CNKSR1: variants seen among roughly 807,000 people sequenced by gnomAD.
CNKSR1 encodes the protein CNK homolog protein 1.
CNKSR1 carries 88 observed loss-of-function variants against 95.6 expected under a neutral mutation model. The observed-to-expected ratio is 0.92, with a 90% CI of 0.78 to 1.10. The LOEUF is 1.10. CNKSR1 is among the 50% of genes least tolerant of loss of function. The pLI, the probability that CNKSR1 is intolerant of heterozygous loss-of-function variation, is 0.00. For synonymous variants in CNKSR1, 355 were observed against 369.7 expected, an observed-to-expected ratio of 0.96 and a Z score of 0.46; for missense variants, 836 against 912.0, an observed-to-expected ratio of 0.92 and a Z score of 1.07.
In CNKSR1 at chr1:26,184,199, C is replaced by A. The variant is rs1214496230; in HGVS notation, c.927-15C>A. On this transcript the variant is annotated splice_polypyrimidine_tract_variant and intron_variant, in intron 10 of 20. Transcript: ENST00000361530. ...GGAGACCGTGGGCTCATCTCATCCC[C>A]CTTGCCCTCCCCAGGGCCCCATCTG... 1 of 1,613,076 alleles carries A rather than the reference C, an allele frequency of 6.2e-7. No individual in the cohort carries two copies. Among genetic ancestry groups the A allele is most frequent in the Non-Finnish European group, 8.5e-7 (1 of 1,179,622 alleles).
intron 1 of CNKSR1, among the ~76,000 whole-genome samples, 172 bp downstream of exon 1, chr1:26,177,771 T>C (rs2088585538): frequency 6.6e-6 from 1 of 151,250 alleles, no homozygotes; most frequent in Non-Finnish European, 1.5e-5. Context: ...AGGTCGGGAG[T>C]TCAAGACCAG....
In CNKSR1 at chr1:26,184,503, A is replaced by T. The variant is rs751732315; in HGVS notation, c.1103A>T (p.Asp368Val). 1.9e-6 allele frequency: 3 copies of T among 1,611,830 alleles called. No homozygotes were observed. The highest frequency in any genetic ancestry group is 2.5e-6 in the Non-Finnish European group (3 of 1,179,110). Residue 368 changes from aspartate to valine, a missense_variant, in exon 12 of 21, where the codon GAC (aspartate) becomes GTC (valine). Transcript: ENST00000361530. ...AGTPGLPESP[D>V]KSPVGRKKSK... ...ACTCCAGGGCTCCCTGAATCCCCTG[A>T]CAAGGTAAGCTCAGGGGCTTAGCAA...
At position 26,184,430 on chromosome 1, in the gene CNKSR1, C is replaced by A. The variant is rs2088707651; in HGVS notation, c.1030C>A (p.Pro344Thr). ...TGCCTCCCTTGGCCCTGAGCCCCTG[C>A]CCATCCCCCCGGAACCCCCAGCCAT... ...DSASLGPEPL[P>T]IPPEPPAILP... Residue 344 changes from proline (P) to threonine (T), a missense_variant, in exon 12 of 21, where the codon CCC becomes ACC. Transcript: ENST00000361530. 1 of 1,613,410 alleles carries A rather than the reference C, an allele frequency of 6.2e-7. No homozygotes were observed. The highest frequency in any genetic ancestry group is 2.2e-5 in the East Asian group (1 of 44,796).
Position 26,188,283 on chromosome 1 carries a change from C to T in CNKSR1, c.1504C>T (p.Arg502Trp), listed in dbSNP as rs148076299. 5.7e-5 allele frequency: 92 copies of T among 1,614,012 alleles called. No homozygotes were observed. The highest frequency in any genetic ancestry group is 6.9e-5 in the Non-Finnish European group (82 of 1,180,026). Residue 502 changes from arginine to tryptophan, a missense_variant, in exon 17 of 21, where the codon CGG (arginine) becomes TGG (tryptophan). Physicochemically the swap from Arg to Trp is moderately radical, Grantham distance 101. Transcript: ENST00000361530. Reference sequence around the variant, plus strand: ...CATCTCCAAGTACCAGTCTCCAGGCCGGGCCCCCCCACCCCGAGAGGAAGG... The same window carrying T: ...CATCTCCAAGTACCAGTCTCCAGGCTGGGCCCCCCCACCCCGAGAGGAAGG... Reference protein sequence around the residue: ...TCISKYQSPGRAPPPREEDCY... With the variant: ...TCISKYQSPGWAPPPREEDCY...
intron 13 of CNKSR1, 63 bp downstream of exon 13, chr1:26,184,675 A>C: frequency 6.5e-7 from 1 of 1,539,938 alleles, no homozygotes; most frequent in Non-Finnish European, 8.8e-7. Flanking sequence ...AAATCTTTAC[A>C]TGCTGGGCAA....
Position 26,183,459 on chromosome 1 carries a change from G to A in CNKSR1, c.753+45G>A, listed in dbSNP as rs374820899. ...TGGTAGGAGGTGAAGGGGTCACCGAGTGGAACCCAAGTCTGGTGGGTGGGG... is the reference window on the plus strand; with the variant it reads ...TGGTAGGAGGTGAAGGGGTCACCGAATGGAACCCAAGTCTGGTGGGTGGGG... On this transcript the variant is annotated intron_variant, in intron 8 of 20. Transcript: ENST00000361530. 43 of 1,599,428 alleles carry A rather than the reference G, an allele frequency of 2.7e-5. No homozygotes were observed. In the African/African-American group the frequency reaches 5.2e-4, roughly 19 times the overall value.
At chr1:26,184,321 G>C in intron 11 of CNKSR1, 34 bp downstream of exon 11, 1 of 1,608,464 alleles carries the variant, frequency 6.2e-7, no homozygotes, top group Non-Finnish European at 8.5e-7. Flanking sequence ...CCCCGGACAC[G>C]GCATCTGGGC....
chr1:26,177,701 T>G (rs2088584147), intron 1 of CNKSR1, 102 bp downstream of exon 1: 1 of 1,395,162 alleles, frequency 7.2e-7, no homozygotes, highest in Admixed American at 2.0e-5. Flanking sequence ...GCGGACTGGG[T>G]GCGCTGGTTC....
In CNKSR1 at chr1:26,188,040, C is replaced by T. The variant is rs527530346; in HGVS notation, c.1455-194C>T. Among the ~76,000 whole-genome samples, 19 of 152,116 alleles carry T rather than the reference C, an allele frequency of 1.2e-4. No homozygotes were observed. In the South Asian group the frequency reaches 3.3e-3, roughly 27 times the overall value. On this transcript the variant is annotated intron_variant, in intron 16 of 20. Transcript: ENST00000361530. ...CTTCCCAAAGTGCTGGGGTGACAGA[C>T]GCGAGCCACCGCACGCAGCCAGTAC...
intron 1 of CNKSR1, among the ~76,000 whole-genome samples, chr1:26,179,288 A>C (rs1001130073): frequency 2.0e-5 from 3 of 152,220 alleles, no homozygotes; most frequent in Admixed American, 2.0e-4. Context: ...GCTCAGGGGC[A>C]GTGGGAACAA....
chr1:26,179,610 G>A (rs960892834), intron 1 of CNKSR1, among the ~76,000 whole-genome samples: 2 of 152,250 alleles, frequency 1.3e-5, no homozygotes, highest in East Asian at 1.9e-4. Context: ...TGTCTCCCAC[G>A]AACCAGACAG....
chr1:26,180,220 T>C (rs2088621142), intron 1 of CNKSR1: 1 of 584,604 alleles, frequency 1.7e-6, no homozygotes, highest in South Asian at 2.0e-5. Flanking sequence ...TTCTAACAAG[T>C]TCTCCGGTGA....
chr1:26,178,305 G>C (rs1180712364), intron 1 of CNKSR1, among the ~76,000 whole-genome samples: 1 of 152,208 alleles, frequency 6.6e-6, no homozygotes, highest in African/African-American at 2.4e-5. Context: ...GCCAGGAAAT[G>C]ATTTGCTCAG....
Position 26,188,217 on chromosome 1 carries a change from C to G in CNKSR1, c.1455-17C>G. The G allele has an allele frequency of 1.2e-6, 2 of 1,613,232 alleles. No homozygotes were observed. Among genetic ancestry groups the G allele is most frequent in the South Asian group, 2.2e-5 (2 of 91,052 alleles). ...CCAGTGGATGGAAACCCTGTGAGAC[C>G]TGCTTGCTCTCCATAGGTGGGTGCG... On this transcript the variant is annotated splice_polypyrimidine_tract_variant and intron_variant, in intron 16 of 20. Coordinates refer to ENST00000361530, the MANE Select transcript of CNKSR1 (RefSeq NM_006314.3).
rs752667763 is a variant in CNKSR1 at position 26,180,501 on chromosome 1, C to T, written c.101C>T (p.Pro34Leu). ...TATCCCTTTGAGGACTGGCAGCTGC[C>T]TGGCAAGAACCTGCTCCAGCTCTGC... is the stretch of plus-strand genomic sequence containing the variant. ...QDYPFEDWQL[P>L]GKNLLQLCPQ... The change falls in exon 2 of 21, where the codon CCT (proline) becomes CTT (leucine). Residue 34 changes from proline (P) to leucine (L), a missense_variant. Transcript: ENST00000361530. 6.2e-7 allele frequency: 1 copy of T among 1,614,206 alleles called. No homozygotes were observed. The highest frequency in any genetic ancestry group is 8.5e-7 in the Non-Finnish European group (1 of 1,180,042).
intron 14 of CNKSR1, chr1:26,186,913 TC>T: frequency 4.3e-6 from 2 of 468,032 alleles, no homozygotes; most frequent in Non-Finnish European, 3.8e-6. Flanking sequence ...TTCAGGCTCC[TC>T]TTTTTTTTTT....
chr1:26,181,903 C>A lies in CNKSR1; in HGVS notation c.439C>A (p.Arg147=), dbSNP rs780235575. 6.2e-7 allele frequency: 1 copy of A among 1,613,984 alleles called. No individual in the cohort carries two copies. Among genetic ancestry groups the A allele is most frequent in the Admixed American group, 1.7e-5 (1 of 60,014 alleles). The stretch of plus-strand genomic sequence containing the variant: ...TGATTTCTCAGCATGCCAGGAGATC[C>A]GAGACTTGTTGGAGGAGCTGAGCCA... ...LNDFSACQEI[R]DLLEELSQVL... The change falls in exon 4 of 21, where the codon CGA becomes AGA. Residue 147 remains arginine (R), a synonymous_variant. Transcript: ENST00000361530.
chr1:26,181,078 G>T, intron 3 of CNKSR1, 182 bp downstream of exon 3: 1 of 702,012 alleles, frequency 1.4e-6, no homozygotes, highest in South Asian at 1.6e-5. Context: ...TCAGGAGTTG[G>T]AGACCAGCCT....
intron 14 of CNKSR1, 71 bp downstream of exon 14, chr1:26,185,257 A>C (rs1471824363): frequency 2.8e-6 from 4 of 1,451,508 alleles, no homozygotes; most frequent in Non-Finnish European, 3.8e-6. Flanking sequence ...TCTCTATTCT[A>C]TCATCCACTC....
Sources: allele counts gnomAD v4.1 joint callset (sites outside exome capture counted in the v4.1 genomes callset), GRCh38; gene constraint gnomAD v4.1.1; transcripts MANE v1.5; gene names NCBI Gene and HGNC (gene_info 2026-07-23, HGNC 2026-07-21).